Variants in LRP5 observed in about 807,000 individuals in gnomAD.
The protein encoded by LRP5 is low-density lipoprotein receptor-related protein 5.
Under a neutral mutation model 154.1 loss-of-function variants are expected in LRP5, and 62 were observed. The observed-to-expected ratio is 0.40, with a 90% CI of 0.33 to 0.50. The LOEUF (loss-of-function observed/expected upper bound fraction) is 0.50, where lower values mean the gene tolerates loss of function less well. Ranked by LOEUF, LRP5 falls within the 20% of genes least tolerant of loss-of-function variation. The probability of loss-of-function intolerance (pLI) is 0.55; values close to 1 mark genes in which losing one functional copy is unlikely to be tolerated. For missense variants in LRP5, 1,915 were observed against 2,336.7 expected, an observed-to-expected ratio of 0.82 and a Z score of 3.72; for synonymous variants, 966 against 1,011.5, an observed-to-expected ratio of 0.96 and a Z score of 0.85.
At chr11:68,327,308 G>A (rs1416281342) in intron 1 of LRP5, among the ~76,000 whole-genome samples, 1 of 152,196 alleles carries the variant, frequency 6.6e-6, no homozygotes, top group Non-Finnish European at 1.5e-5. Context: ...CACAGGACCG[G>A]GATTGTGCTG....
chr11:68,351,564 CCA>C lies in LRP5; in HGVS notation c.488+3322_488+3323del, dbSNP rs1167097016. On this transcript the variant is annotated intron_variant, in intron 2 of 22. Transcript: ENST00000294304. ...AGCGGCTGCCATGGCCATCGTGTCG[CCA>C]GGACCTGCGCTCCTCCTGTCATTGC... 8.9e-4 allele frequency among the ~76,000 whole-genome samples: 135 copies of C among 152,270 alleles called. 1 individual carries two copies. Among genetic ancestry groups the C allele is most frequent in the African/African-American group, 3.2e-3 (131 of 41,562 alleles).
At position 68,425,141 on chromosome 11, in the gene LRP5, G is replaced by C. The variant is rs2098667960; in HGVS notation, c.3276G>C (p.Lys1092Asn). ...CCAACATGCAGGACCGGGCAGCCAA[G>C]ATCGAACGCGCAGCCCTGGACGGCA... ...YFTNMQDRAA[K>N]IERAALDGTE... The change falls in exon 15 of 23, where the codon AAG becomes AAC. Residue 1092 changes from lysine (K) to asparagine (N), a missense_variant. By Grantham distance (94) the Lys-to-Asn change is moderately conservative. Around this residue, in one of 3 missense-constraint regions of LRP5, gnomAD observed 1,094 missense variants for 1,210.1 expected, o/e 0.90. Coordinates refer to ENST00000294304, the MANE Select transcript of LRP5 (RefSeq NM_002335.4). 6.2e-7 allele frequency: 1 copy of C among 1,613,614 alleles called. No homozygotes were observed. Among genetic ancestry groups the C allele is most frequent in the Non-Finnish European group, 8.5e-7 (1 of 1,179,900 alleles).
chr11:68,321,544 A>T (rs2098596784), intron 1 of LRP5, among the ~76,000 whole-genome samples: 1 of 152,030 alleles, frequency 6.6e-6, no homozygotes, highest in Non-Finnish European at 1.5e-5. Flanking sequence ...TGCTGGGTGC[A>T]GTGGAGCCGG....
At position 68,365,593 on chromosome 11, in the gene LRP5, C is replaced by T; in HGVS notation, c.906C>T (p.Asp302=). The change falls in exon 5 of 23, where the codon GAC becomes GAT. Residue 302 remains aspartate, a synonymous_variant. Coordinates refer to ENST00000294304, the MANE Select transcript of LRP5 (RefSeq NM_002335.4). ...CAGTCCACACTCGCTGTGAGGAGGACAATGGCGGCTGCTCCCACCTGTGCC... is the reference window on the plus strand; with the variant it reads ...CAGTCCACACTCGCTGTGAGGAGGATAATGGCGGCTGCTCCCACCTGTGCC... ...QPFFHTRCEE[D]NGGCSHLCLL... is the part of the protein sequence containing the mutation. The T allele has an allele frequency of 6.2e-7, 1 of 1,613,978 alleles. No homozygotes were observed. Among genetic ancestry groups the T allele is most frequent in the Non-Finnish European group, 8.5e-7 (1 of 1,180,000 alleles).
At chr11:68,363,221 G>T (rs1049682999) in intron 3 of LRP5, among the ~76,000 whole-genome samples, 2 of 152,342 alleles carry the variant, frequency 1.3e-5, no homozygotes, top group East Asian at 3.9e-4. Flanking sequence ...TCTTCCCTGG[G>T]GGAGACTTTG....
chr11:68,336,645 T>G (rs992585608), intron 1 of LRP5, among the ~76,000 whole-genome samples: 2 of 152,152 alleles, frequency 1.3e-5, no homozygotes, highest in African/African-American at 4.8e-5. Flanking sequence ...ATTTTTGTAT[T>G]TTTAATAGAG....
At chr11:68,389,500 CTACCAACACCGACATT>C (rs1296789093) in intron 6 of LRP5, among the ~76,000 whole-genome samples, 1 of 152,062 alleles carries the variant, frequency 6.6e-6, no homozygotes, top group Non-Finnish European at 1.5e-5. Flanking sequence ...ACACCAGCAT[CTACCAACACCGACATT>C]TACCAACACC....
At chr11:68,399,617 T>A (rs1591279858) in intron 7 of LRP5, among the ~76,000 whole-genome samples, 1 of 152,362 alleles carries the variant, frequency 6.6e-6, no homozygotes, top group South Asian at 2.1e-4. Flanking sequence ...GTTTTGGCTC[T>A]GTTCCCTCCC....
chr11:68,298,678 T>C, the LRP5 span, among the ~76,000 whole-genome samples: 1 of 152,158 alleles, frequency 6.6e-6, no homozygotes, highest in Non-Finnish European at 1.5e-5. Context: ...TACCCACTCC[T>C]GCTAGAGCCT....
Position 68,436,759 on chromosome 11 carries a change from C to G in LRP5, c.4001-130C>G, listed in dbSNP as rs2098675208. 4.7e-5 allele frequency: 32 copies of G among 685,500 alleles called. No homozygotes were observed. The South Asian group carries it at 5.3e-4, about 11-fold the overall frequency. 42.5% of individuals were successfully genotyped at this position (685,500 alleles called of 1,614,324 possible). ...TGGGTGGAGACTGTACTAGACCACT[C>G]CCCGCTGGTCCTAGAAAGGGTCCCA... On this transcript the variant is annotated intron_variant, in intron 18 of 22. Transcript: ENST00000294304.
chr11:68,380,821 C>T (rs1003189823), intron 5 of LRP5, among the ~76,000 whole-genome samples: 2 of 152,236 alleles, frequency 1.3e-5, no homozygotes, highest in African/African-American at 4.8e-5. Flanking sequence ...TGGCCCAGGC[C>T]GTCTGCTCTG....
In LRP5 at chr11:68,429,672, G is replaced by T. The variant is rs1251382942; in HGVS notation, c.3735G>T (p.Val1245=). The T allele has an allele frequency of 2.5e-6, 4 of 1,614,192 alleles. No homozygotes were observed. The highest frequency in any genetic ancestry group is 1.7e-5 in the Admixed American group (1 of 60,024). ...TPRCSCPVHL[V]LLQNLLTCGE... is the part of the protein sequence containing the mutation. ...GGTGCTCATGCCCAGTCCACCTCGT[G>T]CTCCTGCAGAACCTGCTGACCTGTG... The change falls in exon 17 of 23, where the codon GTG becomes GTT. Residue 1245 remains valine (V), a synonymous_variant. Transcript: ENST00000294304.
At chr11:68,372,503 T>TGGCGGCGAGGTGGTGCAG (rs1565353690) in intron 5 of LRP5, among the ~76,000 whole-genome samples, 1 of 47,954 alleles carries the variant, frequency 2.1e-5, no homozygotes, top group East Asian at 8.3e-4. Context: ...GACCGGGGAC[T>TGGCGGCGAGGTGGTGCAG]TGGAGCACCT....
chr11:68,337,371 C>G (rs2098606290), intron 1 of LRP5, among the ~76,000 whole-genome samples: 2 of 152,144 alleles, frequency 1.3e-5, no homozygotes, highest in Admixed American at 1.3e-4. Context: ...GGAGCTGAAG[C>G]TAGAAGGTGC....
chr11:68,415,781 G>T lies in LRP5; in HGVS notation c.2828-547G>T, dbSNP rs568377763. ...AATGAATGAATGAATGAATGGCAGG[G>T]CGTAGTGGCTCACACCTGTAATCCC... On this transcript the variant is annotated intron_variant, in intron 12 of 22. Coordinates refer to ENST00000294304, the MANE Select transcript of LRP5 (RefSeq NM_002335.4). 1.2e-4 allele frequency among the ~76,000 whole-genome samples: 8 copies of T among 67,618 alleles called. 4 individuals carry two copies. 44.4% of individuals were successfully genotyped at this position (67,618 alleles called of 152,430 possible).
At chr11:68,364,356 A>ATGTGTGTGTGTG (rs201962983) in intron 4 of LRP5, among the ~76,000 whole-genome samples, 1,558 of 127,400 alleles carry the variant, frequency 0.012, 10 homozygotes, top group Non-Finnish European at 0.021. Flanking sequence ...ATATACATAT[A>ATGTGTGTGTGTG]TATGTGTGTG....
At chr11:68,357,157 G>A (rs2098623794) in intron 2 of LRP5, among the ~76,000 whole-genome samples, 1 of 152,042 alleles carries the variant, frequency 6.6e-6, no homozygotes, top group Middle Eastern at 3.2e-3. Context: ...GGATGGTCTT[G>A]ATCTCCCGAC....
chr11:68,448,277 G>A (rs555752486), intron 22 of LRP5, among the ~76,000 whole-genome samples: 1 of 152,170 alleles, frequency 6.6e-6, no homozygotes, highest in Non-Finnish European at 1.5e-5. Context: ...AATTATGGGA[G>A]TACAATTCAA....
chr11:68,379,364 C>A (rs941169866), intron 5 of LRP5, among the ~76,000 whole-genome samples: 1 of 152,188 alleles, frequency 6.6e-6, no homozygotes, highest in African/African-American at 2.4e-5. Context: ...AACCTCCATG[C>A]GTTCCAGCTG....
Sources: allele counts gnomAD v4.1 joint callset (sites outside exome capture counted in the v4.1 genomes callset), GRCh38; gene constraint gnomAD v4.1.1; regional missense constraint gnomAD v4.1.1; transcripts MANE v1.5; gene names NCBI Gene and HGNC (gene_info 2026-07-23, HGNC 2026-07-21).